The following PCDHA1 variants were observed in gnomAD, a reference collection of about 807,000 sequenced individuals.
The protein encoded by PCDHA1 is protocadherin alpha 1, also known as protocadherin alpha-1.
A neutral mutation model predicts 61.3 loss-of-function variants in PCDHA1; 42 were observed. The observed-to-expected ratio is 0.69, with a 90% CI of 0.54 to 0.89. PCDHA1 has a LOEUF of 0.89. PCDHA1 is among the 40% of genes least tolerant of loss of function. The pLI is 0.00. For synonymous variants in PCDHA1, 610 were observed against 553.8 expected, an observed-to-expected ratio of 1.10 and a Z score of -1.43; for missense variants, 1,256 against 1,235.3, an observed-to-expected ratio of 1.02 and a Z score of -0.25.
At position 140,807,724 on chromosome 5, in the gene PCDHA1, T is replaced by A. The variant is rs782471672; in HGVS notation, c.2394+19040T>A. 6.2e-6 allele frequency: 10 copies of A among 1,614,174 alleles called. No homozygotes were observed. The East Asian group carries it at 2.2e-4, about 36-fold the overall frequency. On this transcript the variant is annotated intron_variant, in intron 1 of 3. Coordinates refer to ENST00000504120, the MANE Select transcript of PCDHA1 (RefSeq NM_018900.4). ...GACTGAGCCCAAATGAATACTTTTC[T>A]CTGGAAAAACCACCTGATGACGAGC... is the stretch of plus-strand genomic sequence containing the variant.
intron 1 of PCDHA1, chr5:140,825,001 T>A (rs2150137915): frequency 6.6e-6 from 1 of 152,108 alleles, no homozygotes; most frequent in Non-Finnish European, 1.5e-5. Context: ...TATACATGGT[T>A]TACTGTTCTA....
intron 1 of PCDHA1, chr5:140,966,362 A>C: frequency 2.5e-6 from 1 of 400,494 alleles, no homozygotes; most frequent in Non-Finnish European, 4.4e-6. Flanking sequence ...GGGGCTGGAG[A>C]GGCTGAGCAG....
rs546348432 is a variant in PCDHA1, at chr5:141,012,203, T to G, written c.*2266T>G. ...TTATAATGTATCTGTACAGCACTTTTTACATTTGCGAAGTGCTTTCCAATC... is the reference window on the plus strand; with the variant it reads ...TTATAATGTATCTGTACAGCACTTTGTACATTTGCGAAGTGCTTTCCAATC... On this transcript the variant is annotated 3_prime_UTR_variant, in exon 4 of 4. Transcript: ENST00000504120. 2.0e-5 allele frequency: 3 copies of G among 153,792 alleles called. No individual in the cohort carries two copies. The highest frequency in any genetic ancestry group is 4.4e-5 in the Non-Finnish European group (3 of 68,050). The allele number at this position is 153,792 out of a possible 1,614,324, so 9.5% of individuals were successfully genotyped here.
chr5:141,003,520 C>G (rs1171208921), intron 3 of PCDHA1, among the ~76,000 whole-genome samples: 2 of 152,244 alleles, frequency 1.3e-5, no homozygotes, highest in Middle Eastern at 3.4e-3. Flanking sequence ...ACCATGTTCC[C>G]TAGGCTGGTC....
chr5:140,823,449 C>T (rs2150125896), intron 1 of PCDHA1: 6 of 1,613,410 alleles, frequency 3.7e-6, no homozygotes, highest in South Asian at 2.2e-5. Context: ...TGGACGAGAA[C>T]GACAACGCGC....
At chr5:140,966,860 TTGC>T (rs148181752) in intron 1 of PCDHA1, 30 of 1,577,282 alleles carry the variant, frequency 1.9e-5, no homozygotes, top group Middle Eastern at 1.7e-4. Context: ...CCTGCTGCTG[TTGC>T]TGCTGCTGCT....
intron 1 of PCDHA1, chr5:140,865,867 G>A (rs1382471078): frequency 7.9e-5 from 12 of 152,202 alleles, no homozygotes; most frequent in South Asian, 2.1e-4. Flanking sequence ...ACATGGTCTC[G>A]GCTAGGAAAA....
At chr5:140,804,443 T>C (rs1341335746) in intron 1 of PCDHA1, 1 of 152,100 alleles carries the variant, frequency 6.6e-6, no homozygotes, top group Non-Finnish European at 1.5e-5. Flanking sequence ...ATGTTTTAAA[T>C]CTTGTTAAAA....
intron 1 of PCDHA1, among the ~76,000 whole-genome samples, chr5:140,936,367 A>G (rs1347774517): frequency 2.0e-5 from 3 of 152,348 alleles, no homozygotes; most frequent in East Asian, 1.9e-4. Flanking sequence ...GCTACTGAGC[A>G]CTTGAAATGT....
intron 1 of PCDHA1, among the ~76,000 whole-genome samples, chr5:140,920,752 G>A (rs2079807244): frequency 6.6e-6 from 1 of 151,768 alleles, no homozygotes; most frequent in African/African-American, 2.4e-5. Context: ...GCTGAGGCAG[G>A]AGAATTGCTT....
intron 1 of PCDHA1, chr5:140,801,551 T>C (rs374486178): frequency 2.7e-5 from 43 of 1,614,090 alleles, no homozygotes; most frequent in Non-Finnish European, 3.4e-5. Flanking sequence ...AGGTTTTCCA[T>C]GTGGAGGTGG....
intron 1 of PCDHA1, chr5:140,797,040 G>C (rs1439462657): frequency 6.2e-7 from 1 of 1,613,618 alleles, no homozygotes; most frequent in African/African-American, 1.3e-5. Flanking sequence ...CAGAGGCTAC[G>C]CTGGTGGATG....
At chr5:140,989,363 T>A (rs2097339689) in intron 3 of PCDHA1, among the ~76,000 whole-genome samples, 1 of 152,158 alleles carries the variant, frequency 6.6e-6, no homozygotes, top group Non-Finnish European at 1.5e-5. Flanking sequence ...GTCACCTGTG[T>A]GACTGAGAGC....
At chr5:140,797,158 C>A in intron 1 of PCDHA1, 1 of 1,613,972 alleles carries the variant, frequency 6.2e-7, no homozygotes, top group East Asian at 2.2e-5. Context: ...CGAGGGTGCG[C>A]GCGCGCCAGG....
rs376660293 is a variant in PCDHA1 at position 141,011,766 on chromosome 5, A to C, written c.*1829A>C. ...ACCAATCTGACCTCTTTGAAGTTGCAGAATGCTTTGAAATTCTAATGGTAT... is the reference window on the plus strand; with the variant it reads ...ACCAATCTGACCTCTTTGAAGTTGCCGAATGCTTTGAAATTCTAATGGTAT... On this transcript the variant is annotated 3_prime_UTR_variant, in exon 4 of 4. Transcript: ENST00000504120. 2.6e-5 allele frequency: 4 copies of C among 153,796 alleles called. No homozygotes were observed. Among genetic ancestry groups the C allele is most frequent in the Non-Finnish European group, 5.9e-5 (4 of 68,044 alleles). 9.5% of individuals were successfully genotyped at this position (153,796 alleles called of 1,614,324 possible).
intron 2 of PCDHA1, among the ~76,000 whole-genome samples, chr5:140,980,258 G>A (rs2096882497): frequency 6.6e-6 from 1 of 152,164 alleles, no homozygotes; most frequent in Non-Finnish European, 1.5e-5. Context: ...GTAAAAGCAT[G>A]GTTTACAGTA....
chr5:140,871,522 A>T, intron 1 of PCDHA1: 1 of 1,549,186 alleles, frequency 6.5e-7, no homozygotes, highest in Non-Finnish European at 8.7e-7. Flanking sequence ...TCCACCTATC[A>T]GGAAGTGTAT....
intron 1 of PCDHA1, among the ~76,000 whole-genome samples, chr5:140,954,531 G>A (rs564993313): frequency 4.6e-5 from 7 of 152,218 alleles, no homozygotes; most frequent in African/African-American, 1.4e-4. Context: ...GTGATGTTGA[G>A]GTTTTTTTCA....
Position 140,925,641 on chromosome 5 carries a change from T to TATAATAATAATA in PCDHA1, c.2395-53282_2395-53271dup, listed in dbSNP as rs10569930. On this transcript the variant is annotated intron_variant, in intron 1 of 3. Coordinates refer to ENST00000504120, the MANE Select transcript of PCDHA1 (RefSeq NM_018900.4). ...TGCACATGTACCCTAGAACTTAAAG[T>TATAATAATAATA]ATAATAATAATAATAATAATAATAA... 2.2e-3 allele frequency among the ~76,000 whole-genome samples: 310 copies of TATAATAATAATA among 143,350 alleles called. 1 individual carries two copies. The highest frequency in any genetic ancestry group is 2.8e-3 in the East Asian group (14 of 4,930). 94.0% of individuals were successfully genotyped at this position (143,350 alleles called of 152,430 possible).
Sources: gnomAD v4.1 joint callset for allele counts (sites outside exome capture counted in the v4.1 genomes callset) on GRCh38, gnomAD v4.1.1 for gene constraint, MANE v1.5 for transcripts, NCBI Gene and HGNC (gene_info 2026-07-23, HGNC 2026-07-21) for gene names.